Variants in KATNIP observed in about 807,000 individuals in gnomAD.
The protein encoded by KATNIP is katanin-interacting protein.
Under a neutral mutation model 174.0 loss-of-function variants are expected in KATNIP, and 126 were observed. That is an observed-to-expected ratio of 0.72 (90% CI 0.63 to 0.84). The LOEUF is 0.84. Among genes scored for constraint, KATNIP ranks in the 40% least tolerant of loss-of-function variants. The pLI is 0.00. For missense variants in KATNIP, 1,958 were observed against 2,109.7 expected (o/e 0.93, Z 1.41); for synonymous variants, 810 against 835.7 (o/e 0.97, Z 0.53).
intron 14 of KATNIP, among the ~76,000 whole-genome samples, chr16:27,730,810 G>T (rs1312141601): frequency 6.6e-6 from 1 of 152,156 alleles, no homozygotes; most frequent in Admixed American, 6.5e-5. Context: ...GGCACCCCCG[G>T]CCAAGTCTGC....
At position 27,708,832 on chromosome 16, in the gene KATNIP, C is replaced by G. The variant is rs780866697; in HGVS notation, c.1517C>G (p.Thr506Arg). 1.1e-5 allele frequency: 17 copies of G among 1,614,058 alleles called. No homozygotes were observed. Among genetic ancestry groups the G allele is most frequent in the Non-Finnish European group, 1.4e-5 (17 of 1,180,018 alleles). The change falls in exon 13 of 28, where the codon ACA (threonine) becomes AGA (arginine). Residue 506 changes from threonine to arginine, a missense_variant. Physicochemically the swap from Thr to Arg is moderately conservative, Grantham distance 71. This residue lies in a region of KATNIP where 1,557 missense variants were observed against 1,617.8 expected (regional missense o/e 0.96). Transcript: ENST00000261588. ...TEVEFFDLND[T>R]KLYVSPHDVD... The stretch of plus-strand genomic sequence containing the variant: ...GTCGAGTTCTTTGACTTGAATGACA[C>G]AAAGCTTTATGTGTCGCCCCACGAT...
intron 14 of KATNIP, among the ~76,000 whole-genome samples, chr16:27,729,303 C>G (rs2080570056): frequency 6.6e-6 from 1 of 152,158 alleles, no homozygotes; most frequent in Non-Finnish European, 1.5e-5. Flanking sequence ...CAGGTTCATG[C>G]TTATTTCAGC....
chr16:27,669,057 A>G (rs2077792814), intron 6 of KATNIP, among the ~76,000 whole-genome samples: 1 of 152,204 alleles, frequency 6.6e-6, no homozygotes, highest in Non-Finnish European at 1.5e-5. Flanking sequence ...AAGTCAGCTT[A>G]GTGCCTGATA....
chr16:27,590,269 T>A (rs1022007331), intron 2 of KATNIP, among the ~76,000 whole-genome samples: 6 of 152,068 alleles, frequency 3.9e-5, no homozygotes, highest in Admixed American at 3.9e-4. Flanking sequence ...GAATGTTTTG[T>A]GATTTGTGGA....
rs543527223 is a variant in KATNIP at position 27,567,999 on chromosome 16, A to G, written c.8-5902A>G. On this transcript the variant is annotated intron_variant, in intron 1 of 27. Coordinates refer to ENST00000261588, the MANE Select transcript of KATNIP (RefSeq NM_015202.5). Reference sequence around the variant, plus strand: ...TAGTAATAGGAAAATAAAAATAAAAACAATATTAAAAAACATACCTTAAGA... The same window carrying G: ...TAGTAATAGGAAAATAAAAATAAAAGCAATATTAAAAAACATACCTTAAGA... Among the ~76,000 whole-genome samples, 70 of 152,358 alleles carry G rather than the reference A, an allele frequency of 4.6e-4. 1 individual carries two copies. Among genetic ancestry groups the G allele is most frequent in the African/African-American group, 1.7e-3 (69 of 41,586 alleles).
chr16:27,765,574 T>C (rs1425373958), intron 19 of KATNIP, among the ~76,000 whole-genome samples: 2 of 152,228 alleles, frequency 1.3e-5, no homozygotes, highest in Non-Finnish European at 2.9e-5. Context: ...AGAGCTCACC[T>C]GGTGCTTTTG....
intron 4 of KATNIP, among the ~76,000 whole-genome samples, chr16:27,629,615 C>T (rs959335222): frequency 3.3e-5 from 5 of 152,162 alleles, no homozygotes; most frequent in Admixed American, 1.3e-4. Flanking sequence ...AGCATAGACA[C>T]GGAAAATGAT....
chr16:27,684,223 G>T (rs1419674629), intron 8 of KATNIP, among the ~76,000 whole-genome samples: 1 of 152,184 alleles, frequency 6.6e-6, no homozygotes, highest in Admixed American at 6.5e-5. Flanking sequence ...TTATTGTACA[G>T]AGGAGATGGA....
chr16:27,577,038 A>G (rs1362499807), intron 2 of KATNIP, among the ~76,000 whole-genome samples: 2 of 152,100 alleles, frequency 1.3e-5, no homozygotes, highest in Non-Finnish European at 2.9e-5. Context: ...TGACAAAGGG[A>G]GGGTGTGGCT....
chr16:27,720,759 C>T (rs776227626), intron 13 of KATNIP, among the ~76,000 whole-genome samples: 1 of 152,146 alleles, frequency 6.6e-6, no homozygotes, highest in Non-Finnish European at 1.5e-5. Context: ...AGAGGCCCAG[C>T]CTGTGCCAAG....
chr16:27,588,507 G>T (rs1270169890), intron 2 of KATNIP, among the ~76,000 whole-genome samples: 1 of 151,870 alleles, frequency 6.6e-6, no homozygotes, highest in Non-Finnish European at 1.5e-5. Context: ...GAAAGGCCTT[G>T]CTCTGCCACT....
chr16:27,695,432 GC>G (rs2078880812), intron 8 of KATNIP, among the ~76,000 whole-genome samples: 2 of 152,064 alleles, frequency 1.3e-5, no homozygotes, highest in African/African-American at 2.4e-5. Context: ...CACATCACAC[GC>G]CTCCCATCTT....
chr16:27,620,881 A>G (rs985346123), intron 3 of KATNIP, among the ~76,000 whole-genome samples: 1 of 152,232 alleles, frequency 6.6e-6, no homozygotes, highest in African/African-American at 2.4e-5. Context: ...ATTGCCATTA[A>G]TGCAAAGGGA....
intron 14 of KATNIP, chr16:27,722,326 G>T (rs1389823513): frequency 6.6e-6 from 1 of 152,126 alleles, no homozygotes; most frequent in Non-Finnish European, 1.5e-5. Context: ...GTGATAGAAT[G>T]GAAAAAGGAG....
intron 2 of KATNIP, among the ~76,000 whole-genome samples, chr16:27,600,272 C>G (rs1407143901): frequency 6.6e-6 from 1 of 152,198 alleles, no homozygotes; most frequent in African/African-American, 2.4e-5. Context: ...AGAGAATGAG[C>G]ATTTGCTGTC....
rs149808114 is a variant in KATNIP, at chr16:27,577,641, G to A, written c.63+3685G>A. 7.3e-3 allele frequency among the ~76,000 whole-genome samples: 1,112 copies of A among 152,238 alleles called. 11 individuals carry two copies. The highest frequency in any genetic ancestry group is 0.024 in the African/African-American group (1,001 of 41,536). ...CAGAAAGCGGAGGTTGCAGTGAGCC[G>A]AGATCGGGCCACTGCTCTTCAGCCT... On this transcript the variant is annotated intron_variant, in intron 2 of 27. Transcript: ENST00000261588.
chr16:27,778,080 C>T (rs1378490438), intron 27 of KATNIP, 111 bp downstream of exon 27: 2 of 909,668 alleles, frequency 2.2e-6, no homozygotes, highest in Middle Eastern at 2.9e-4. Flanking sequence ...CCCTAGACCG[C>T]TCTCCTCTGC....
intron 1 of KATNIP, among the ~76,000 whole-genome samples, chr16:27,572,948 G>A (rs1034735771): frequency 9.2e-5 from 14 of 152,120 alleles, no homozygotes; most frequent in Admixed American, 9.2e-4. Context: ...ATCATCCCTT[G>A]AGCTTTATCA....
At chr16:27,668,159 C>A (rs1461501459) in intron 6 of KATNIP, among the ~76,000 whole-genome samples, 1 of 152,150 alleles carries the variant, frequency 6.6e-6, no homozygotes, top group East Asian at 1.9e-4. Context: ...CCAGTTGCTT[C>A]CAAGTTGGTA....
Sources: gnomAD v4.1 joint callset for allele counts (sites outside exome capture counted in the v4.1 genomes callset) on GRCh38, gnomAD v4.1.1 for gene constraint, gnomAD v4.1.1 regional missense constraint, MANE v1.5 for transcripts, NCBI Gene and HGNC (gene_info 2026-07-23, HGNC 2026-07-21) for gene names.